FCHSD2: variants seen among roughly 807,000 people sequenced by gnomAD.
FCHSD2 encodes FCH and double SH3 domains 2, also known as F-BAR and double SH3 domains protein 2.
FCHSD2 carries 38 observed loss-of-function variants against 108.1 expected under a neutral mutation model. The observed-to-expected ratio is 0.35, with a 90% CI of 0.27 to 0.46. The LOEUF is 0.46. FCHSD2 is among the 20% of genes least tolerant of loss of function. The probability of loss-of-function intolerance (pLI) is 1.00; values close to 1 mark genes in which losing one functional copy is unlikely to be tolerated. For missense variants in FCHSD2, 751 were observed against 897.8 expected (o/e 0.84, Z 2.09); for synonymous variants, 279 against 314.7 (o/e 0.89, Z 1.20).
intron 4 of FCHSD2, among the ~76,000 whole-genome samples, chr11:73,014,393 T>C: frequency 6.6e-6 from 1 of 152,102 alleles, no homozygotes; most frequent in Non-Finnish European, 1.5e-5. Flanking sequence ...CCTCCCAAAG[T>C]GCTAGGATTA....
chr11:73,044,262 T>TA (rs994387361), intron 3 of FCHSD2, among the ~76,000 whole-genome samples: 2 of 151,470 alleles, frequency 1.3e-5, no homozygotes, highest in Non-Finnish European at 2.9e-5. Context: ...ATTCCTCAAT[T>TA]AAAAAAAAAC....
intron 2 of FCHSD2, among the ~76,000 whole-genome samples, chr11:73,097,384 AT>A (rs201818849): frequency 2.0e-3 from 274 of 135,538 alleles, no homozygotes; most frequent in Non-Finnish European, 2.0e-3. Context: ...TTATTTATTT[AT>A]TTTTTTTTTT....
chr11:72,924,186 CTG>C (rs1856029744), intron 8 of FCHSD2, among the ~76,000 whole-genome samples: 1 of 152,196 alleles, frequency 6.6e-6, no homozygotes, highest in African/African-American at 2.4e-5. Context: ...AGTAATCCGC[CTG>C]TCTCAGCCTC....
intron 2 of FCHSD2, among the ~76,000 whole-genome samples, chr11:73,106,013 A>T (rs1860333392): frequency 6.6e-6 from 1 of 152,250 alleles, no homozygotes; most frequent in South Asian, 2.1e-4. Flanking sequence ...TTCCAGAATT[A>T]TTCAGAATCA....
intron 2 of FCHSD2, among the ~76,000 whole-genome samples, chr11:73,086,237 C>T (rs147937273): frequency 1.8e-3 from 271 of 152,140 alleles, no homozygotes; most frequent in Non-Finnish European, 3.2e-3. Flanking sequence ...GGCAAAACTC[C>T]GTCTCTACTA....
At chr11:72,975,066 G>T (rs187682335) in intron 8 of FCHSD2, among the ~76,000 whole-genome samples, 2 of 152,178 alleles carry the variant, frequency 1.3e-5, no homozygotes, top group Admixed American at 1.3e-4. Flanking sequence ...AACCGAAAAA[G>T]AACTTGGCTT....
At chr11:72,891,555 C>G (rs1036988019) in intron 10 of FCHSD2, among the ~76,000 whole-genome samples, 2 of 152,182 alleles carry the variant, frequency 1.3e-5, no homozygotes, top group African/African-American at 4.8e-5. Context: ...AAACTTACAT[C>G]TGTTCTCAAA....
chr11:73,119,379 T>A (rs1483800697), intron 2 of FCHSD2, among the ~76,000 whole-genome samples: 3 of 152,224 alleles, frequency 2.0e-5, no homozygotes, highest in African/African-American at 7.2e-5. Context: ...TATTAATCAT[T>A]AAATTCAAAT....
intron 8 of FCHSD2, among the ~76,000 whole-genome samples, chr11:72,965,011 A>T (rs7125633): frequency 6.6e-6 from 1 of 152,038 alleles, no homozygotes; most frequent in Non-Finnish European, 1.5e-5. Flanking sequence ...GGATGGTCTC[A>T]ATTTCCCAAC....
chr11:73,021,085 C>T (rs141046332), intron 3 of FCHSD2, among the ~76,000 whole-genome samples: 197 of 152,062 alleles, frequency 1.3e-3, no homozygotes, highest in Non-Finnish European at 2.2e-3. Flanking sequence ...GCTATGTTGC[C>T]CAGGTTGATC....
At chr11:72,949,293 C>G (rs1591427357) in intron 8 of FCHSD2, among the ~76,000 whole-genome samples, 2 of 151,572 alleles carry the variant, frequency 1.3e-5, no homozygotes, top group Admixed American at 1.3e-4. Context: ...CTACTAAAAA[C>G]ACAAAAATTA....
intron 2 of FCHSD2, among the ~76,000 whole-genome samples, chr11:73,130,380 G>A (rs74236686): frequency 0.012 from 1,811 of 152,306 alleles, 110 homozygotes; most frequent in Admixed American, 0.087. Context: ...CTACAGGCAC[G>A]TGCTATGGTG....
chr11:73,052,415 T>A lies in FCHSD2; in HGVS notation c.165+31280A>T, dbSNP rs181111662. ...GAAACTCTTGGTATAATTTTTTTTT[T>A]AAAAAAAGACACCTGTCTAAACAGT... On this transcript the variant is annotated intron_variant, in intron 3 of 19. Transcript: ENST00000409418. Among the ~76,000 whole-genome samples, 403 of 151,992 alleles carry A rather than the reference T, an allele frequency of 2.7e-3. 2 individuals carry two copies. Among genetic ancestry groups the A allele is most frequent in the African/African-American group, 8.7e-3 (361 of 41,428 alleles).
intron 3 of FCHSD2, among the ~76,000 whole-genome samples, chr11:73,068,858 CA>C (rs1649802611): frequency 8.7e-6 from 1 of 115,448 alleles, no homozygotes; most frequent in Non-Finnish European, 2.0e-5. Context: ...ATTAAAAAAA[CA>C]AAAAAATCAG....
chr11:73,107,511 T>A (rs1019002869), intron 2 of FCHSD2, among the ~76,000 whole-genome samples: 18 of 152,334 alleles, frequency 1.2e-4, no homozygotes, highest in South Asian at 2.1e-4. Context: ...AATCCAATTG[T>A]CACCCTGTTG....
At chr11:73,134,100 T>TAA (rs112539842) in intron 2 of FCHSD2, among the ~76,000 whole-genome samples, 13 of 145,472 alleles carry the variant, frequency 8.9e-5, no homozygotes, top group African/African-American at 2.5e-4. Flanking sequence ...AATAAAGCCT[T>TAA]AAAAAAAAAA....
intron 3 of FCHSD2, among the ~76,000 whole-genome samples, chr11:73,037,301 C>T (rs1442302359): frequency 1.3e-5 from 2 of 152,110 alleles, no homozygotes; most frequent in Non-Finnish European, 2.9e-5. Flanking sequence ...CATCTGAAGT[C>T]CATGGTTTAC....
chr11:72,976,483 C>T (rs138451046), intron 8 of FCHSD2, among the ~76,000 whole-genome samples: 1 of 152,148 alleles, frequency 6.6e-6, no homozygotes, highest in African/African-American at 2.4e-5. Flanking sequence ...TCTCACTATG[C>T]TGCCCAGGCT....
At chr11:73,055,638 AT>A (rs2135481396) in intron 3 of FCHSD2, among the ~76,000 whole-genome samples, 1 of 152,348 alleles carries the variant, frequency 6.6e-6, no homozygotes, top group South Asian at 2.1e-4. Flanking sequence ...GAGTACATGT[AT>A]GTTACAAATA....
Sources: gnomAD v4.1 joint callset for allele counts (sites outside exome capture counted in the v4.1 genomes callset) on GRCh38, gnomAD v4.1.1 for gene constraint, MANE v1.5 for transcripts, NCBI Gene and HGNC (gene_info 2026-07-23, HGNC 2026-07-21) for gene names.